The following GDI2 variants were observed in gnomAD, a reference collection of about 807,000 sequenced individuals.
The protein encoded by GDI2 is GDP dissociation inhibitor 2, also known as rab GDP dissociation inhibitor beta.
A neutral mutation model predicts 54.2 loss-of-function variants in GDI2; 22 were observed. The ratio of observed to expected loss-of-function variants is 0.41; its 90% CI spans 0.29 to 0.58. The LOEUF (loss-of-function observed/expected upper bound fraction) is 0.58. GDI2 is among the 20% of genes least tolerant of loss of function. The probability of loss-of-function intolerance (pLI) is 0.35; values close to 1 mark genes in which losing one functional copy is unlikely to be tolerated. For synonymous variants in GDI2, 177 were observed against 182.1 expected, an observed-to-expected ratio of 0.97 and a Z score of 0.23; for missense variants, 422 against 546.0, an observed-to-expected ratio of 0.77 and a Z score of 2.26.
intron 2 of GDI2, among the ~76,000 whole-genome samples, chr10:5,798,996 T>C: frequency 6.6e-6 from 1 of 151,470 alleles, no homozygotes; most frequent in East Asian, 1.9e-4. Context: ...AAAAATAAAA[T>C]AAAACAAAAT....
In GDI2 at chr10:5,789,618, G is replaced by GA. The variant is rs1485924716; in HGVS notation, c.389-3569dup. On this transcript the variant is annotated intron_variant, in intron 4 of 10. Transcript: ENST00000380191. ...TGACAATTTGAAAAAACTTGCAGAT[G>GA]AACCGCATAGCCTAGAAATACCAAA... Among the ~76,000 whole-genome samples the GA allele has an allele frequency of 2.0e-5, 3 of 152,106 alleles. No homozygotes were observed. In the East Asian group the frequency reaches 5.8e-4, roughly 29 times the overall value.
chr10:5,794,183 AAAAAAATAT>A (rs1352647860), intron 4 of GDI2, among the ~76,000 whole-genome samples: 105 of 53,086 alleles, frequency 2.0e-3, no homozygotes, highest in Admixed American at 3.2e-3. Flanking sequence ...AAAAAAAAAA[AAAAAAATAT>A]ATATATATAT....
rs138904221 is a variant in GDI2 at position 5,766,265 on chromosome 10, T to A, written c.1167A>T (p.Pro389=). 4.0e-5 allele frequency: 64 copies of A among 1,613,902 alleles called. No homozygotes were observed. In the East Asian group the frequency reaches 1.2e-3, roughly 31 times the overall value. ...KFVSISDLLV[P]KDLGTESQIF... ...CCTGGCTTTCTGTTCCCAAGTCTTT[T>A]GGTACCAGGAGGTCACTGATGCTAA... Residue 389 remains proline, a synonymous_variant, in exon 10 of 11, where the codon CCA becomes CCT. Transcript: ENST00000380191. The surrounding 1 kb of genome is among the most constrained non-coding windows in gnomAD (Gnocchi z 5.8).
In GDI2 at chr10:5,766,075, C is replaced by A. The variant is rs1267121616; in HGVS notation, c.1269G>T (p.Arg423Ser). Residue 423 changes from arginine to serine, a missense_variant, in exon 11 of 11, where the codon AGG becomes AGT. Physicochemically the swap from Arg to Ser is moderately radical, Grantham distance 110. Coordinates refer to ENST00000380191, the MANE Select transcript of GDI2 (RefSeq NM_001494.4). The surrounding 1 kb of genome is among the most constrained non-coding windows in gnomAD (Gnocchi z 5.8). ...TCDDIKNIYK[R>S]MTGSEFDFEE... The stretch of plus-strand genomic sequence containing the variant: ...CAAAGTCAAACTCTGATCCTGTCAT[C>A]CTCTTATAGATGTTTTTAATGTCAT... 1.9e-6 allele frequency: 3 copies of A among 1,603,394 alleles called. No homozygotes were observed. Among genetic ancestry groups the A allele is most frequent in the Admixed American group, 3.5e-5 (2 of 56,428 alleles).
chr10:5,794,187 AAATAT>A (rs1477864860), intron 4 of GDI2, among the ~76,000 whole-genome samples: 491 of 40,214 alleles, frequency 0.012, 2 homozygotes, highest in African/African-American at 0.02. Context: ...AAAAAAAAAA[AAATAT>A]ATATATATAT....
intron 8 of GDI2, among the ~76,000 whole-genome samples, chr10:5,767,266 T>G (rs1208168412): frequency 6.6e-6 from 1 of 151,962 alleles, no homozygotes; most frequent in African/African-American, 2.4e-5. Flanking sequence ...CTGGGAACCT[T>G]GTGGAAGATT....
At chr10:5,812,218 AAAG>A (rs978188634) in intron 1 of GDI2, among the ~76,000 whole-genome samples, 2 of 152,048 alleles carry the variant, frequency 1.3e-5, no homozygotes, top group African/African-American at 2.4e-5. Flanking sequence ...AAAAAAAAAA[AAAG>A]AACAGAAAAA....
chr10:5,792,783 T>A (rs1222942638), intron 4 of GDI2, among the ~76,000 whole-genome samples: 1 of 151,442 alleles, frequency 6.6e-6, no homozygotes, highest in Non-Finnish European at 1.5e-5. Flanking sequence ...AGACCAAGAC[T>A]CGAAATATAC....
chr10:5,796,687 ACT>A (rs1373815494), intron 3 of GDI2, 74 bp downstream of exon 3: 6 of 787,982 alleles, frequency 7.6e-6, no homozygotes, highest in Admixed American at 1.8e-5. Flanking sequence ...CCAGAATAGT[ACT>A]CTGTCAAAAG....
At position 5,766,754 on chromosome 10, in the gene GDI2, A is replaced by ATCT. The variant is rs1840345444; in HGVS notation, c.992-119_992-117dup. 1 of 714,380 alleles carries ATCT rather than the reference A, an allele frequency of 1.4e-6. No homozygotes were observed. The highest frequency in any genetic ancestry group is 2.4e-6 in the Non-Finnish European group (1 of 412,908). 44.3% of individuals were successfully genotyped at this position (714,380 alleles called of 1,614,324 possible). ...GTTAAAATTACTCTCAATAGGCAAG[A>ATCT]TCTTCTACACTTAAGTTCTAAATGG... On this transcript the variant is annotated intron_variant, in intron 8 of 10. Transcript: ENST00000380191. This position sits in a 1 kb window ranked among gnomAD's most constrained non-coding sequence, Gnocchi z 5.8.
chr10:5,776,894 A>G lies in GDI2; in HGVS notation c.720-2953T>C. The G allele has an allele frequency of 2.3e-6, 2 of 880,894 alleles. No individual in the cohort carries two copies. The highest frequency in any genetic ancestry group is 2.1e-5 in the South Asian group (1 of 48,088). 54.6% of individuals were successfully genotyped at this position (880,894 alleles called of 1,614,324 possible). A position where few individuals can be genotyped will look rare whatever the true frequency, so the allele number is the denominator to read the frequency against. Reference sequence around the variant, plus strand: ...AGGCCAGAGAAGAGGGGAGAAGAGGAAATAATGCGAAAACAGTTAATCCAG... The same window carrying G: ...AGGCCAGAGAAGAGGGGAGAAGAGGGAATAATGCGAAAACAGTTAATCCAG... On this transcript the variant is annotated intron_variant, in intron 6 of 10. Coordinates refer to ENST00000380191, the MANE Select transcript of GDI2 (RefSeq NM_001494.4). This position sits in a 1 kb window ranked among gnomAD's most constrained non-coding sequence, Gnocchi z 5.3.
rs1841090951 is a variant in GDI2, at chr10:5,794,191, ATATATAT to A, written c.388+687_388+693del. ...TTAAAAGAAAAAAAAAAAAAAAAAT[ATATATAT>A]ATATATATATATATATATATATATA... On this transcript the variant is annotated intron_variant, in intron 4 of 10. Coordinates refer to ENST00000380191, the MANE Select transcript of GDI2 (RefSeq NM_001494.4). Among the ~76,000 whole-genome samples, 270 of 31,844 alleles carry A rather than the reference ATATATAT, an allele frequency of 8.5e-3. 6 individuals carry two copies. The highest frequency in any genetic ancestry group is 0.023 in the African/African-American group (181 of 7,900). 20.9% of individuals were successfully genotyped at this position (31,844 alleles called of 152,430 possible).
chr10:5,770,245 A>T (rs1469798887), intron 7 of GDI2, among the ~76,000 whole-genome samples: 1 of 152,212 alleles, frequency 6.6e-6, no homozygotes, highest in African/African-American at 2.4e-5. Context: ...TTATTACTTA[A>T]TTGGTAGTTT....
intron 6 of GDI2, among the ~76,000 whole-genome samples, chr10:5,784,208 T>C (rs972613958): frequency 1.3e-5 from 2 of 152,236 alleles, no homozygotes; most frequent in Non-Finnish European, 2.9e-5. Context: ...CTTCTACTTA[T>C]TCAATTCTAT....
intron 3 of GDI2, 140 bp downstream of exon 3, chr10:5,796,623 T>G: frequency 1.7e-6 from 1 of 572,348 alleles, no homozygotes; most frequent in South Asian, 2.4e-5. Flanking sequence ...AGACATCTAA[T>G]GGACCATGTT....
At position 5,770,654 on chromosome 10, in the gene GDI2, C is replaced by T. The variant is rs143538115; in HGVS notation, c.820-2270G>A. On this transcript the variant is annotated intron_variant, in intron 7 of 10. Transcript: ENST00000380191. ...ATATATTTAATACCACTGAACTGTA[C>T]ACTTAACAATGGTTAAGATGGTAAA... Among the ~76,000 whole-genome samples the T allele has an allele frequency of 2.2e-3, 330 of 152,006 alleles. 3 individuals are homozygous for T. The highest frequency in any genetic ancestry group is 7.6e-3 in the African/African-American group (314 of 41,456).
intron 1 of GDI2, among the ~76,000 whole-genome samples, chr10:5,811,694 G>A (rs2131727119): frequency 6.6e-6 from 1 of 150,924 alleles, no homozygotes; most frequent in African/African-American, 2.4e-5. Context: ...CCTGCAGTGG[G>A]TAGGGCCTAT....
In GDI2 at chr10:5,766,876, G is replaced by A. The variant is rs1158482625; in HGVS notation, c.992-238C>T. Among the ~76,000 whole-genome samples, 1 of 152,306 alleles carries A rather than the reference G, an allele frequency of 6.6e-6. No individual in the cohort carries two copies. The highest frequency in any genetic ancestry group is 1.9e-4 in the East Asian group (1 of 5,186). On this transcript the variant is annotated intron_variant, in intron 8 of 10. Transcript: ENST00000380191. This position sits in a 1 kb window ranked among gnomAD's most constrained non-coding sequence, Gnocchi z 5.8. ...ATTGAAGTGGTAGCGAACTGCTGAA[G>A]TTTGGAATGAGATCTCTTAACAGCT...
chr10:5,793,154 C>T (rs1403173408), intron 4 of GDI2, among the ~76,000 whole-genome samples: 4 of 152,034 alleles, frequency 2.6e-5, no homozygotes, highest in African/African-American at 9.7e-5. Flanking sequence ...ACCACCACAT[C>T]TGGCTAATTT....
Sources: allele counts gnomAD v4.1 joint callset (sites outside exome capture counted in the v4.1 genomes callset), GRCh38; gene constraint gnomAD v4.1.1; non-coding constraint Gnocchi (gnomAD v3.1); transcripts MANE v1.5; gene names NCBI Gene and HGNC (gene_info 2026-07-23, HGNC 2026-07-21).